The following LRRC4C variants were observed in gnomAD, a reference collection of about 807,000 sequenced individuals.
LRRC4C encodes the protein leucine rich repeat containing 4C, also known as leucine-rich repeat-containing protein 4C.
LRRC4C carries 5 observed loss-of-function variants against 33.6 expected under a neutral mutation model. The ratio of observed to expected loss-of-function variants is 0.15; its 90% CI spans 0.08 to 0.31. The LOEUF (loss-of-function observed/expected upper bound fraction) is 0.31. Among genes scored for constraint, LRRC4C ranks in the 10% least tolerant of loss-of-function variants. The probability of loss-of-function intolerance (pLI) is 1.00; values close to 1 mark genes in which losing one functional copy is unlikely to be tolerated. For synonymous variants in LRRC4C, 329 were observed against 302.0 expected, an observed-to-expected ratio of 1.09 and a Z score of -0.93; for missense variants, 560 against 796.7, an observed-to-expected ratio of 0.70 and a Z score of 3.58.
At chr11:40,746,697 C>A (rs1948443155) in intron 2 of LRRC4C, among the ~76,000 whole-genome samples, 1 of 152,138 alleles carries the variant, frequency 6.6e-6, no homozygotes, top group African/African-American at 2.4e-5. Context: ...GCCATACAAT[C>A]AGGGCCTGGG....
rs541602358 is a variant in LRRC4C, at chr11:41,305,998, C to T, written c.-496+153433G>A. Among the ~76,000 whole-genome samples the T allele has an allele frequency of 2.7e-3, 403 of 148,484 alleles. 1 individual carries two copies. Among genetic ancestry groups the T allele is most frequent in the Non-Finnish European group, 4.8e-3 (321 of 67,202 alleles). On this transcript the variant is annotated intron_variant, in intron 1 of 6. Coordinates refer to ENST00000528697, the MANE Select transcript of LRRC4C (RefSeq NM_001258419.2). ...CCTCCGTATGCTGAACGCTGGCCCC[C>T]TGGGCCCCCTTATTTCTTTCTCTAA...
intron 1 of LRRC4C, among the ~76,000 whole-genome samples, chr11:41,411,690 T>C (rs1292650987): frequency 2.0e-5 from 3 of 152,170 alleles, no homozygotes; most frequent in South Asian, 2.1e-4. Flanking sequence ...AGAAAAAGAA[T>C]TGATTGCAGG....
At chr11:40,388,388 G>A (rs952494301) in intron 3 of LRRC4C, among the ~76,000 whole-genome samples, 1 of 152,184 alleles carries the variant, frequency 6.6e-6, no homozygotes. Context: ...GATGGGGCCA[G>A]CCACAAAAAC....
chr11:40,621,689 A>G (rs1283060268), intron 3 of LRRC4C, among the ~76,000 whole-genome samples: 1 of 151,764 alleles, frequency 6.6e-6, no homozygotes, highest in African/African-American at 2.4e-5. Context: ...CTTTTTTACT[A>G]TCCTCCACCC....
chr11:41,424,976 A>G (rs1283727626), intron 1 of LRRC4C, among the ~76,000 whole-genome samples: 1 of 151,790 alleles, frequency 6.6e-6, no homozygotes. Flanking sequence ...TTATACAGAA[A>G]GAAATAGGAT....
At chr11:41,413,657 C>T (rs1954573954) in intron 1 of LRRC4C, among the ~76,000 whole-genome samples, 1 of 152,102 alleles carries the variant, frequency 6.6e-6, no homozygotes, top group Admixed American at 6.6e-5. Context: ...GGAAATGTGA[C>T]CCTTTGGTTT....
intron 1 of LRRC4C, among the ~76,000 whole-genome samples, chr11:41,374,582 A>G (rs1276720655): frequency 6.6e-6 from 1 of 152,186 alleles, no homozygotes; most frequent in Non-Finnish European, 1.5e-5. Flanking sequence ...ACTATTTTAG[A>G]TTAATAAAAT....
intron 1 of LRRC4C, among the ~76,000 whole-genome samples, chr11:41,412,530 A>G (rs1954528851): frequency 1.3e-5 from 2 of 152,182 alleles, no homozygotes; most frequent in Non-Finnish European, 2.9e-5. Context: ...ATGGAGGGTG[A>G]TTAAGACCAG....
At chr11:40,776,711 A>G (rs1950012958) in intron 2 of LRRC4C, among the ~76,000 whole-genome samples, 1 of 151,532 alleles carries the variant, frequency 6.6e-6, no homozygotes, top group Admixed American at 6.6e-5. Context: ...ATTGATTTTC[A>G]TTGTCTTGAT....
At chr11:41,366,187 TAGATAGATAGAC>T (rs1171527087) in intron 1 of LRRC4C, among the ~76,000 whole-genome samples, 31 of 136,992 alleles carry the variant, frequency 2.3e-4, no homozygotes, top group African/African-American at 5.4e-4. Flanking sequence ...TCTAGATAGA[TAGATAGATAGAC>T]AGATAGATAG....
chr11:40,129,080 G>A (rs79475754), intron 6 of LRRC4C, among the ~76,000 whole-genome samples: 191 of 152,234 alleles, frequency 1.3e-3, no homozygotes, highest in African/African-American at 4.5e-3. Context: ...CTCATGGAGT[G>A]TTTGTTAAAT....
At chr11:41,033,738 A>G (rs1856862253) in intron 1 of LRRC4C, among the ~76,000 whole-genome samples, 3 of 152,092 alleles carry the variant, frequency 2.0e-5, no homozygotes, top group African/African-American at 7.2e-5. Flanking sequence ...CAATCACATT[A>G]AAATGTACCA....
intron 3 of LRRC4C, among the ~76,000 whole-genome samples, chr11:40,638,913 C>A (rs1471096801): frequency 6.6e-6 from 1 of 151,932 alleles, no homozygotes; most frequent in East Asian, 1.9e-4. Flanking sequence ...CCTAGGGGTT[C>A]CCTATTCAAT....
intron 3 of LRRC4C, among the ~76,000 whole-genome samples, chr11:40,333,702 A>C (rs1349126324): frequency 1.5e-5 from 2 of 136,444 alleles, no homozygotes; most frequent in African/African-American, 2.7e-5. Context: ...GTGGGACAAG[A>C]GTGAGACTTT....
intron 1 of LRRC4C, among the ~76,000 whole-genome samples, chr11:41,002,673 C>CA (rs1211105724): frequency 6.6e-6 from 1 of 152,140 alleles, no homozygotes; most frequent in Admixed American, 6.6e-5. Flanking sequence ...TGAGTAGTAG[C>CA]ATGCCTTAAT....
At chr11:41,429,442 G>A (rs1200740601) in intron 1 of LRRC4C, among the ~76,000 whole-genome samples, 1 of 152,152 alleles carries the variant, frequency 6.6e-6, no homozygotes, top group Non-Finnish European at 1.5e-5. Context: ...GAGTTTAAAA[G>A]AAAGAGAAGA....
chr11:40,556,674 C>A (rs1203303094), intron 3 of LRRC4C, among the ~76,000 whole-genome samples: 1 of 152,066 alleles, frequency 6.6e-6, no homozygotes, highest in African/African-American at 2.4e-5. Flanking sequence ...TATCACTCTG[C>A]CATAAAGAGT....
chr11:41,180,272 G>A (rs1945388320), intron 1 of LRRC4C, among the ~76,000 whole-genome samples: 1 of 152,148 alleles, frequency 6.6e-6, no homozygotes, highest in African/African-American at 2.4e-5. Flanking sequence ...TGCAGTAATT[G>A]CTGAGTAACT....
At chr11:40,842,376 C>T (rs1468533255) in intron 2 of LRRC4C, among the ~76,000 whole-genome samples, 1 of 152,094 alleles carries the variant, frequency 6.6e-6, no homozygotes, top group Non-Finnish European at 1.5e-5. Context: ...TCTTATCCTG[C>T]AGACTTTTTT....
Sources: allele counts gnomAD v4.1 joint callset (sites outside exome capture counted in the v4.1 genomes callset), GRCh38; gene constraint gnomAD v4.1.1; transcripts MANE v1.5; gene names NCBI Gene and HGNC (gene_info 2026-07-23, HGNC 2026-07-21).